PRKG1: variants seen among roughly 807,000 people sequenced by gnomAD.
The protein encoded by PRKG1 is protein kinase cGMP-dependent 1.
Under a neutral mutation model 88.1 loss-of-function variants are expected in PRKG1, and 35 were observed. That is an observed-to-expected ratio of 0.40 (90% CI 0.30 to 0.53). PRKG1 has a LOEUF of 0.53. Ranked by LOEUF, PRKG1 falls within the 20% of genes least tolerant of loss-of-function variation. The pLI, the probability that PRKG1 is intolerant of heterozygous loss-of-function variation, is 0.59. For synonymous variants in PRKG1, 303 were observed against 292.5 expected (o/e 1.04, Z -0.37); for missense variants, 540 against 839.8 (o/e 0.64, Z 4.41).
At chr10:52,007,567 G>A (rs1219640557) in intron 5 of PRKG1, among the ~76,000 whole-genome samples, 1 of 122,154 alleles carries the variant, frequency 8.2e-6, no homozygotes, top group Non-Finnish European at 1.7e-5. Flanking sequence ...AATTCAACAA[G>A]AAGACCTAAC....
chr10:51,521,750 G>A (rs1439656153), intron 3 of PRKG1, among the ~76,000 whole-genome samples: 1 of 152,170 alleles, frequency 6.6e-6, no homozygotes, highest in Non-Finnish European at 1.5e-5. Context: ...AATACTTTGA[G>A]CTTCATGAAG....
chr10:51,752,600 T>A (rs1053552595), intron 3 of PRKG1, among the ~76,000 whole-genome samples: 2 of 152,184 alleles, frequency 1.3e-5, no homozygotes, highest in African/African-American at 4.8e-5. Context: ...AAATGTGGTC[T>A]TTGTTTCTAC....
chr10:51,116,950 G>C (rs1046380465), intron 1 of PRKG1, among the ~76,000 whole-genome samples: 7 of 152,142 alleles, frequency 4.6e-5, no homozygotes, highest in African/African-American at 1.7e-4. Flanking sequence ...GGGGTAACAG[G>C]GTTGTTGGAG....
In PRKG1 at chr10:51,374,093, A is replaced by AAAAATATATATAT; in HGVS notation, c.479-93629_479-93628insAAATATATATATA. Among the ~76,000 whole-genome samples, 198 of 100,162 alleles carry AAAAATATATATAT rather than the reference A, an allele frequency of 2.0e-3. 1 individual carries two copies. In the Middle Eastern group the frequency reaches 0.031, roughly 16 times the overall value. The allele number at this position is 100,162 out of a possible 152,430, so 65.7% of individuals were successfully genotyped here. The stretch of plus-strand genomic sequence containing the variant: ...GCTGGCAGAGGTTGCAAAAAAAAAA[A>AAAAATATATATAT]ATATATATATATATATATATGTACT... On this transcript the variant is annotated intron_variant, in intron 2 of 17. Transcript: ENST00000373980.
At chr10:51,830,377 G>A (rs969212828) in intron 4 of PRKG1, among the ~76,000 whole-genome samples, 3 of 152,000 alleles carry the variant, frequency 2.0e-5, no homozygotes, top group Non-Finnish European at 2.9e-5. Flanking sequence ...AGTTGTTAGC[G>A]ATACTGTGAT....
intron 2 of PRKG1, among the ~76,000 whole-genome samples, chr10:51,460,160 T>G (rs565671249): frequency 6.6e-6 from 1 of 152,206 alleles, no homozygotes; most frequent in African/African-American, 2.4e-5. Flanking sequence ...CAACCAGGAA[T>G]GTTTCCAGAT....
chr10:51,943,450 T>C lies in PRKG1; in HGVS notation c.762+35880T>C, dbSNP rs1391098526. Among the ~76,000 whole-genome samples the C allele has an allele frequency of 2.0e-5, 3 of 152,132 alleles. No individual in the cohort carries two copies. The East Asian group carries it at 5.8e-4, about 29-fold the overall frequency. ...CCTAATTGAATACCTTTTATTTCCT[T>C]CTCCTGCCTAATTGCCCTGGCCAGA... On this transcript the variant is annotated intron_variant, in intron 5 of 17. Transcript: ENST00000373980.
At chr10:51,570,357 T>C (rs984239266) in intron 3 of PRKG1, among the ~76,000 whole-genome samples, 2 of 151,772 alleles carry the variant, frequency 1.3e-5, no homozygotes, top group African/African-American at 4.8e-5. Flanking sequence ...TTACAATAAA[T>C]TAAGCTAGAG....
intron 2 of PRKG1, among the ~76,000 whole-genome samples, chr10:51,189,155 A>G (rs955079589): frequency 4.0e-5 from 6 of 151,878 alleles, no homozygotes; most frequent in African/African-American, 1.4e-4. Flanking sequence ...ATCCAGGAAA[A>G]AAACTCTCTT....
chr10:51,798,762 GA>G (rs761545381), intron 3 of PRKG1, among the ~76,000 whole-genome samples: 1 of 152,052 alleles, frequency 6.6e-6, no homozygotes, highest in African/African-American at 2.4e-5. Context: ...AAGTAAAAGA[GA>G]ATTACAAGCT....
intron 5 of PRKG1, among the ~76,000 whole-genome samples, chr10:52,007,096 T>C (rs1160723381): frequency 2.0e-5 from 3 of 152,210 alleles, no homozygotes; most frequent in African/African-American, 7.2e-5. Flanking sequence ...TTGTTACGAC[T>C]AGACCTGCCT....
At chr10:52,127,143 A>C (rs1175359291) in intron 7 of PRKG1, among the ~76,000 whole-genome samples, 1 of 152,088 alleles carries the variant, frequency 6.6e-6, no homozygotes, top group African/African-American at 2.4e-5. Context: ...TGAGAGATAG[A>C]CAGAGATAGA....
intron 13 of PRKG1, 51 bp downstream of exon 13, chr10:52,280,981 T>C: frequency 6.4e-7 from 1 of 1,562,064 alleles, no homozygotes; most frequent in Non-Finnish European, 8.7e-7. Flanking sequence ...AAATATTTGT[T>C]TATAAAACTG....
intron 2 of PRKG1, among the ~76,000 whole-genome samples, chr10:51,276,042 G>T (rs1840108261): frequency 6.6e-6 from 1 of 151,608 alleles, no homozygotes; most frequent in African/African-American, 2.4e-5. Flanking sequence ...GTATACATGT[G>T]CCATGTTGGT....
intron 3 of PRKG1, among the ~76,000 whole-genome samples, chr10:51,495,903 G>A (rs1343630793): frequency 2.0e-5 from 3 of 152,260 alleles, no homozygotes; most frequent in African/African-American, 7.2e-5. Flanking sequence ...AAGCCGTGTG[G>A]CCAATTTGAT....
intron 3 of PRKG1, among the ~76,000 whole-genome samples, chr10:51,639,369 G>A (rs1457475683): frequency 7.2e-6 from 1 of 139,260 alleles, no homozygotes; most frequent in African/African-American, 2.6e-5. Flanking sequence ...CGGAGGCCGA[G>A]CTTGCAGTGA....
At chr10:51,142,526 TAGAG>T (rs199711366) in intron 1 of PRKG1, among the ~76,000 whole-genome samples, 17 of 149,516 alleles carry the variant, frequency 1.1e-4, no homozygotes, top group African/African-American at 3.4e-4. Context: ...GACACAGACA[TAGAG>T]AGAGAGAGAG....
intron 2 of PRKG1, among the ~76,000 whole-genome samples, chr10:51,287,568 G>A (rs1840475288): frequency 6.6e-6 from 1 of 152,074 alleles, no homozygotes; most frequent in African/African-American, 2.4e-5. Context: ...AGGTTAAAAA[G>A]GAAACAAACC....
intron 3 of PRKG1, among the ~76,000 whole-genome samples, chr10:51,628,169 TTTC>T (rs1285369651): frequency 2.6e-4 from 37 of 144,182 alleles, no homozygotes; most frequent in African/African-American, 9.3e-4. Flanking sequence ...TCTTTATTTA[TTTC>T]TTTTCTTTCT....
Sources: gnomAD v4.1 joint callset for allele counts (sites outside exome capture counted in the v4.1 genomes callset) on GRCh38, gnomAD v4.1.1 for gene constraint, MANE v1.5 for transcripts, NCBI Gene and HGNC (gene_info 2026-07-23, HGNC 2026-07-21) for gene names.